Variants in PAQR5 observed in about 807,000 individuals in gnomAD.
The protein encoded by PAQR5 is progestin and adipoQ receptor family member 5, also known as membrane progestin receptor gamma.
Under a neutral mutation model 34.5 loss-of-function variants are expected in PAQR5, and 20 were observed. The ratio of observed to expected loss-of-function variants is 0.58; its 90% confidence interval spans 0.41 to 0.84. The LOEUF (loss-of-function observed/expected upper bound fraction) is 0.84. Among genes scored for constraint, PAQR5 ranks in the 40% least tolerant of loss-of-function variants. The probability of loss-of-function intolerance (pLI) is 0.00; values close to 1 mark genes in which losing one functional copy is unlikely to be tolerated. For missense variants in PAQR5, 378 were observed against 412.7 expected, an observed-to-expected ratio of 0.92 and a Z score of 0.73; for synonymous variants, 131 against 155.6, an observed-to-expected ratio of 0.84 and a Z score of 1.18.
chr15:69,374,633 C>T (rs1003960945), intron 3 of PAQR5, among the ~76,000 whole-genome samples: 3 of 152,090 alleles, frequency 2.0e-5, no homozygotes, highest in South Asian at 2.1e-4. Flanking sequence ...GCCGAGATCG[C>T]GCCACTGCAC....
intron 1 of PAQR5, among the ~76,000 whole-genome samples, chr15:69,335,662 T>A (rs1243922998): frequency 6.7e-6 from 1 of 148,482 alleles, no homozygotes; most frequent in African/African-American, 2.5e-5. Flanking sequence ...CCATTCTCCT[T>A]ACCTCAGCCT....
At chr15:69,353,729 C>T (rs892514857) in intron 2 of PAQR5, among the ~76,000 whole-genome samples, 2 of 152,174 alleles carry the variant, frequency 1.3e-5, no homozygotes, top group Non-Finnish European at 2.9e-5. Context: ...ACCACTCACC[C>T]TTATCCCTAG....
At chr15:69,353,245 TTACACTGGACCC>T (rs1488933286) in intron 2 of PAQR5, among the ~76,000 whole-genome samples, 1 of 152,200 alleles carries the variant, frequency 6.6e-6, no homozygotes, top group African/African-American at 2.4e-5. Flanking sequence ...GGCAAGTTGC[TTACACTGGACCC>T]CTTCCATCAT....
chr15:69,377,190 C>T (rs2055731086), intron 3 of PAQR5, among the ~76,000 whole-genome samples: 1 of 152,192 alleles, frequency 6.6e-6, no homozygotes, highest in African/African-American at 2.4e-5. Context: ...TATAAAACAA[C>T]AACTTAAAAG....
rs1566998269 is a variant in PAQR5, at chr15:69,322,838, G to GAAGAAGAAGAAGAAGAA, written c.-276-14503_-276-14502insAAGAAGAAGAAGAAGAA. 1.0e-4 allele frequency among the ~76,000 whole-genome samples: 2 copies of GAAGAAGAAGAAGAAGAA among 19,388 alleles called. 1 individual carries two copies. Among genetic ancestry groups the GAAGAAGAAGAAGAAGAA allele is most frequent in the African/African-American group, 3.9e-4 (2 of 5,104 alleles). 12.7% of individuals were successfully genotyped at this position (19,388 alleles called of 152,430 possible). On this transcript the variant is annotated intron_variant, in intron 1 of 8. Coordinates refer to ENST00000395407, the MANE Select transcript of PAQR5 (RefSeq NM_017705.4). Reference sequence around the variant, plus strand: ...AAGAAGAAGAAGAAGAAGAAGAAGAGGAAGAAGAAGAGGAATTATTTCATC... The same window carrying GAAGAAGAAGAAGAAGAA: ...AAGAAGAAGAAGAAGAAGAAGAAGAGAAGAAGAAGAAGAAGAAGAAGAAGAAGAGGAATTATTTCATC...
intron 4 of PAQR5, chr15:69,382,828 A>G (rs1211524754): frequency 2.1e-4 from 4 of 18,800 alleles, no homozygotes; most frequent in African/African-American, 6.9e-4. Flanking sequence ...ATATATATAT[A>G]TATATATATA....
intron 4 of PAQR5, 120 bp downstream of exon 4, chr15:69,380,130 G>A (rs1343615579): frequency 2.4e-5 from 26 of 1,101,020 alleles, no homozygotes; most frequent in Middle Eastern, 2.1e-4. Context: ...GGGATCCCCC[G>A]TGGGTACACG....
At position 69,322,753 on chromosome 15, in the gene PAQR5, A is replaced by AGGG. The variant is rs1566997808; in HGVS notation, c.-276-14588_-276-14587insGGG. The stretch of plus-strand genomic sequence containing the variant: ...GAAGAAGAAGAAGAAGAAGAAGAAG[A>AGGG]AGAAGAAGAAGAAGAAGAGGGAGAA... On this transcript the variant is annotated intron_variant, in intron 1 of 8. Coordinates refer to ENST00000395407, the MANE Select transcript of PAQR5 (RefSeq NM_017705.4). 9.4e-3 allele frequency among the ~76,000 whole-genome samples: 387 copies of AGGG among 41,216 alleles called. 92 individuals carry two copies. The highest frequency in any genetic ancestry group is 0.027 in the East Asian group (29 of 1,060). 27.0% of individuals were successfully genotyped at this position (41,216 alleles called of 152,430 possible).
intron 1 of PAQR5, among the ~76,000 whole-genome samples, chr15:69,315,056 G>A (rs1266650225): frequency 2.0e-5 from 3 of 152,096 alleles, no homozygotes; most frequent in Non-Finnish European, 4.4e-5. Flanking sequence ...CTCTCAGCCT[G>A]GGATGAGGAG....
intron 2 of PAQR5, among the ~76,000 whole-genome samples, chr15:69,353,255 C>T (rs1193341141): frequency 6.6e-6 from 1 of 152,186 alleles, no homozygotes; most frequent in African/African-American, 2.4e-5. Flanking sequence ...TTACACTGGA[C>T]CCCTTCCATC....
chr15:69,330,551 C>T (rs1428329581), intron 1 of PAQR5, among the ~76,000 whole-genome samples: 16 of 152,092 alleles, frequency 1.1e-4, no homozygotes, highest in Admixed American at 1.0e-3. Context: ...CAGGCACCAC[C>T]CAGATCAATG....
At chr15:69,343,862 A>G (rs1224376628) in intron 2 of PAQR5, among the ~76,000 whole-genome samples, 1 of 152,182 alleles carries the variant, frequency 6.6e-6, no homozygotes, top group East Asian at 1.9e-4. Context: ...CAATCTCAGC[A>G]CCAGGTGGCA....
chr15:69,373,621 C>A (rs778429887), intron 3 of PAQR5, among the ~76,000 whole-genome samples: 2 of 151,930 alleles, frequency 1.3e-5, no homozygotes, highest in Non-Finnish European at 2.9e-5. Flanking sequence ...TTTCTTTTTT[C>A]GAGTCAGAGT....
intron 2 of PAQR5, 96 bp from the exon 3 acceptor site, chr15:69,359,870 G>A (rs1279808942): frequency 2.4e-5 from 13 of 536,956 alleles, no homozygotes; most frequent in Non-Finnish European, 1.0e-5. Context: ...ATCATGTGTA[G>A]CAAGTATATG....
chr15:69,314,754 C>T (rs911963316), intron 1 of PAQR5: 4 of 152,358 alleles, frequency 2.6e-5, no homozygotes, highest in Non-Finnish European at 4.4e-5. Flanking sequence ...CCCAAGGCCT[C>T]AGATTTGACT....
intron 2 of PAQR5, among the ~76,000 whole-genome samples, chr15:69,345,369 T>G (rs914368198): frequency 1.3e-5 from 2 of 152,220 alleles, no homozygotes; most frequent in Non-Finnish European, 2.9e-5. Context: ...TTTGGCCACC[T>G]TTTATGTAAA....
chr15:69,389,639 G>T lies in PAQR5; in HGVS notation c.386-15G>T. ...AGGCCTGGCTCCTCTCCCAAGGCTGGCTTTTCTTCCCCAGGCTCAGCCATT... is the reference window on the plus strand; with the variant it reads ...AGGCCTGGCTCCTCTCCCAAGGCTGTCTTTTCTTCCCCAGGCTCAGCCATT... On this transcript the variant is annotated splice_polypyrimidine_tract_variant and intron_variant, in intron 5 of 8. Transcript: ENST00000395407. 3.7e-6 allele frequency: 6 copies of T among 1,614,078 alleles called. No homozygotes were observed. The highest frequency in any genetic ancestry group is 5.1e-6 in the Non-Finnish European group (6 of 1,179,952).
intron 2 of PAQR5, among the ~76,000 whole-genome samples, chr15:69,359,216 C>T (rs556309161): frequency 2.0e-5 from 3 of 152,294 alleles, no homozygotes; most frequent in Non-Finnish European, 4.4e-5. Flanking sequence ...CTCCCAAAAG[C>T]CCTGCTCCTT....
At chr15:69,316,257 T>A (rs1365087544) in intron 1 of PAQR5, among the ~76,000 whole-genome samples, 1 of 152,084 alleles carries the variant, frequency 6.6e-6, no homozygotes, top group African/African-American at 2.4e-5. Flanking sequence ...GTTTTTGTAT[T>A]TTCAGTAGAG....
Sources: allele counts gnomAD v4.1 joint callset (sites outside exome capture counted in the v4.1 genomes callset), GRCh38; gene constraint gnomAD v4.1.1; transcripts MANE v1.5; gene names NCBI Gene and HGNC (gene_info 2026-07-23, HGNC 2026-07-21).